Variants in RAPGEF4 observed in about 807,000 individuals in gnomAD.
The protein encoded by RAPGEF4 is Rap guanine nucleotide exchange factor 4, also known as RAP guanine-nucleotide-exchange factor (GEF) 4.
RAPGEF4 carries 66 observed loss-of-function variants against 147.9 expected under a neutral mutation model. The observed-to-expected ratio is 0.45, with a 90% CI of 0.37 to 0.55. RAPGEF4 has a LOEUF of 0.55. RAPGEF4 is among the 20% of genes least tolerant of loss of function. RAPGEF4 has a pLI of 0.00. For missense variants in RAPGEF4, 1,071 were observed against 1,257.3 expected, an observed-to-expected ratio of 0.85 and a Z score of 2.24; for synonymous variants, 419 against 442.7, an observed-to-expected ratio of 0.95 and a Z score of 0.67.
intron 23 of RAPGEF4, among the ~76,000 whole-genome samples, chr2:173,026,166 A>G (rs1696645595): frequency 6.6e-6 from 1 of 152,172 alleles, no homozygotes; most frequent in Admixed American, 6.5e-5. Context: ...GAACGTCCCA[A>G]ACTGCCATGC....
At chr2:172,750,363 T>C (rs1289735529) in intron 1 of RAPGEF4, among the ~76,000 whole-genome samples, 1 of 151,962 alleles carries the variant, frequency 6.6e-6, no homozygotes, top group Non-Finnish European at 1.5e-5. Context: ...AGGCACCTCT[T>C]ATATTGGCGG....
intron 3 of RAPGEF4, among the ~76,000 whole-genome samples, chr2:172,802,101 G>A (rs1374254023): frequency 2.0e-5 from 3 of 152,180 alleles, no homozygotes; most frequent in Admixed American, 2.0e-4. Flanking sequence ...TGGAGGTGTA[G>A]AGAGAAAGGG....
chr2:172,977,065 G>A (rs1477662650), intron 10 of RAPGEF4, among the ~76,000 whole-genome samples: 3 of 152,218 alleles, frequency 2.0e-5, no homozygotes, highest in Non-Finnish European at 4.4e-5. Context: ...GACAAGTAAA[G>A]ACCAGGTACA....
intron 4 of RAPGEF4, among the ~76,000 whole-genome samples, chr2:172,914,445 C>T (rs1228091047): frequency 2.0e-5 from 3 of 150,100 alleles, no homozygotes; most frequent in East Asian, 1.9e-4. Context: ...GCGATTCTCC[C>T]GCCTCACCCT....
intron 6 of RAPGEF4, among the ~76,000 whole-genome samples, chr2:172,945,877 TATCTC>T (rs1313447977): frequency 2.0e-5 from 3 of 152,186 alleles, no homozygotes. Flanking sequence ...TCAGAAGAAA[TATCTC>T]ATCCAAAGTT....
At position 172,870,532 on chromosome 2, in the gene RAPGEF4, G is replaced by A. The variant is rs369235553; in HGVS notation, c.445-47270G>A. Among the ~76,000 whole-genome samples, 109 of 152,180 alleles carry A rather than the reference G, an allele frequency of 7.2e-4. 1 individual carries two copies. The highest frequency in any genetic ancestry group is 2.5e-3 in the African/African-American group (104 of 41,524). On this transcript the variant is annotated intron_variant, in intron 4 of 30. Coordinates refer to ENST00000397081, the MANE Select transcript of RAPGEF4 (RefSeq NM_007023.4). ...TGTCAGGATTTGTTTTCCTATTCCT[G>A]GTTTTGAGAAGCCACAGCCTTGCAG... is the stretch of plus-strand genomic sequence containing the variant.
intron 16 of RAPGEF4, among the ~76,000 whole-genome samples, chr2:173,000,598 T>C (rs62175769): frequency 0.027 from 4,058 of 152,300 alleles, 74 homozygotes; most frequent in Admixed American, 0.039. Flanking sequence ...CTTACTTCCC[T>C]TGCCAACCCC....
At chr2:172,964,725 TAGGACTTCAAG>T (rs1166141909) in intron 8 of RAPGEF4, among the ~76,000 whole-genome samples, 1 of 152,212 alleles carries the variant, frequency 6.6e-6, no homozygotes, top group Non-Finnish European at 1.5e-5. Context: ...GAGCCATCAC[TAGGACTTCAAG>T]ATTCTATTTC....
At chr2:172,998,538 A>AC (rs1693593069) in intron 16 of RAPGEF4, among the ~76,000 whole-genome samples, 1 of 152,226 alleles carries the variant, frequency 6.6e-6, no homozygotes, top group African/African-American at 2.4e-5. Context: ...TGATCATGCC[A>AC]CTGCACTCCA....
At chr2:173,044,880 A>T (rs186970689) in intron 29 of RAPGEF4, among the ~76,000 whole-genome samples, 2 of 152,130 alleles carry the variant, frequency 1.3e-5, no homozygotes, top group African/African-American at 4.8e-5. Context: ...GGAAAAAAAG[A>T]TGAGAATCTG....
At chr2:172,912,474 G>A (rs1361389286) in intron 4 of RAPGEF4, among the ~76,000 whole-genome samples, 1 of 152,210 alleles carries the variant, frequency 6.6e-6, no homozygotes, top group African/African-American at 2.4e-5. Context: ...GGGTTTTACA[G>A]TTGCACAGTT....
intron 4 of RAPGEF4, among the ~76,000 whole-genome samples, chr2:172,847,003 G>A (rs781536447): frequency 1.4e-4 from 22 of 152,304 alleles, no homozygotes; most frequent in African/African-American, 4.1e-4. Context: ...AGTGCCTGGC[G>A]TGTAGAAGGT....
At chr2:172,816,082 A>G (rs550721503) in intron 4 of RAPGEF4, among the ~76,000 whole-genome samples, 3 of 152,296 alleles carry the variant, frequency 2.0e-5, no homozygotes, top group Non-Finnish European at 4.4e-5. Context: ...ATATCCTGTT[A>G]CATACCCTAA....
intron 1 of RAPGEF4, among the ~76,000 whole-genome samples, chr2:172,770,659 G>T (rs1683458198): frequency 6.6e-6 from 1 of 152,144 alleles, no homozygotes; most frequent in South Asian, 2.1e-4. Context: ...TATTATGGTG[G>T]CATGCAATAG....
chr2:173,051,902 G>GAT lies in RAPGEF4; in HGVS notation c.*135_*136insAT. 9.8e-7 allele frequency: 1 copy of GAT among 1,018,268 alleles called. No individual in the cohort carries two copies. The highest frequency in any genetic ancestry group is 1.4e-6 in the Non-Finnish European group (1 of 699,688). The allele number at this position is 1,018,268 out of a possible 1,614,324, so 63.1% of individuals were successfully genotyped here. On this transcript the variant is annotated 3_prime_UTR_variant, in exon 31 of 31. Transcript: ENST00000397081. ...AAAAACACATCCTGAGACACCTCAGGGCTGCATTCAGCTTACCAGCTACCT... is the reference window on the plus strand; with the variant it reads ...AAAAACACATCCTGAGACACCTCAGGATGCTGCATTCAGCTTACCAGCTACCT...
chr2:173,005,560 G>T, intron 17 of RAPGEF4, among the ~76,000 whole-genome samples: 2 of 108,430 alleles, frequency 1.8e-5, no homozygotes, highest in African/African-American at 7.2e-5. Context: ...GTCTTGCTCT[G>T]TCACCAGGCT....
chr2:173,036,169 G>T lies in RAPGEF4; in HGVS notation c.2745G>T (p.Lys915Asn), dbSNP rs775579801. ...GGGCCTACAGGCTGACAGTAGCTAA[G>T]CTGGAACCTCCTCTCATCCCCTTCA... ...NHRAYRLTVA[K>N]LEPPLIPFMP... Residue 915 changes from lysine (K) to asparagine (N), a missense_variant, in exon 28 of 31, where the codon AAG becomes AAT. Coordinates refer to ENST00000397081, the MANE Select transcript of RAPGEF4 (RefSeq NM_007023.4). 6 of 1,613,098 alleles carry T rather than the reference G, an allele frequency of 3.7e-6. No homozygotes were observed. The highest frequency in any genetic ancestry group is 5.1e-6 in the Non-Finnish European group (6 of 1,179,522).
At chr2:172,865,414 T>C (rs1245513615) in intron 4 of RAPGEF4, among the ~76,000 whole-genome samples, 2 of 152,194 alleles carry the variant, frequency 1.3e-5, no homozygotes, top group Non-Finnish European at 2.9e-5. Flanking sequence ...AAATCAAGTC[T>C]AACTCCAGGA....
intron 4 of RAPGEF4, among the ~76,000 whole-genome samples, chr2:172,827,027 C>T (rs1689746456): frequency 6.6e-6 from 1 of 152,078 alleles, no homozygotes; most frequent in South Asian, 2.1e-4. Context: ...TTTTAGTTCT[C>T]TTAAAACTGT....
Sources: gnomAD v4.1 joint callset for allele counts (sites outside exome capture counted in the v4.1 genomes callset) on GRCh38, gnomAD v4.1.1 for gene constraint, MANE v1.5 for transcripts, NCBI Gene and HGNC (gene_info 2026-07-23, HGNC 2026-07-21) for gene names.